Variants in ADARB2 observed in about 807,000 individuals in gnomAD.
The protein encoded by ADARB2 is inactive double-stranded RNA-specific editase B2.
Under a neutral mutation model 62.2 loss-of-function variants are expected in ADARB2, and 25 were observed. The ratio of observed to expected loss-of-function variants is 0.40; its 90% confidence interval spans 0.29 to 0.56. ADARB2 has a LOEUF of 0.56. ADARB2 is among the 20% of genes least tolerant of loss of function. The pLI is 0.43. For missense variants in ADARB2, 1,071 were observed against 1,077.4 expected, an observed-to-expected ratio of 0.99 and a Z score of 0.08; for synonymous variants, 572 against 500.8, an observed-to-expected ratio of 1.14 and a Z score of -1.90.
At chr10:1,567,309 C>G (rs1832871730) in intron 1 of ADARB2, among the ~76,000 whole-genome samples, 1 of 152,216 alleles carries the variant, frequency 6.6e-6, no homozygotes, top group Non-Finnish European at 1.5e-5. Context: ...CCAGTACTTT[C>G]TAGATGCTCT....
chr10:1,673,917 C>G (rs1433400229), intron 1 of ADARB2, among the ~76,000 whole-genome samples: 2 of 152,254 alleles, frequency 1.3e-5, no homozygotes, highest in African/African-American at 4.8e-5. Context: ...AAGCAGCAAT[C>G]ATATCTGCTT....
At chr10:1,575,737 C>T (rs1410321250) in intron 1 of ADARB2, among the ~76,000 whole-genome samples, 1 of 152,218 alleles carries the variant, frequency 6.6e-6, no homozygotes, top group Non-Finnish European at 1.5e-5. Flanking sequence ...GGTCAAGCTC[C>T]ATGGTTTCCA....
intron 1 of ADARB2, among the ~76,000 whole-genome samples, chr10:1,570,723 C>T (rs73588206): frequency 0.02 from 2,968 of 152,188 alleles, 102 homozygotes; most frequent in African/African-American, 0.066. Flanking sequence ...GCTAGTGCTT[C>T]GGAAAGGCAT....
At chr10:1,725,603 C>T (rs571551524) in intron 1 of ADARB2, among the ~76,000 whole-genome samples, 4 of 152,246 alleles carry the variant, frequency 2.6e-5, no homozygotes, top group Non-Finnish European at 4.4e-5. Context: ...GACCCCACAG[C>T]GGGGGAATTA....
intron 1 of ADARB2, among the ~76,000 whole-genome samples, chr10:1,618,540 G>T (rs956453413): frequency 1.8e-5 from 2 of 110,424 alleles, no homozygotes; most frequent in Non-Finnish European, 3.6e-5. Context: ...AGTGTCACTA[G>T]GTTTAAAAAT....
rs562653924 is a variant in ADARB2 at position 1,360,058 on chromosome 10, C to T, written c.1077+2970G>A. ...GTGCAGCATCTTTGCTGGCTTCTAC[C>T]GAAACACCATGGATCCAGACGTGGT... On this transcript the variant is annotated intron_variant, in intron 3 of 9. Transcript: ENST00000381312. Among the ~76,000 whole-genome samples the T allele has an allele frequency of 5.9e-5, 9 of 152,348 alleles. No homozygotes were observed. In the South Asian group the frequency reaches 1.2e-3, roughly 21 times the overall value.
At chr10:1,449,500 C>A (rs565444666) in intron 1 of ADARB2, among the ~76,000 whole-genome samples, 5 of 152,342 alleles carry the variant, frequency 3.3e-5, no homozygotes, top group African/African-American at 1.2e-4. Flanking sequence ...TCTGCTTCCT[C>A]TCCCCTAATT....
At chr10:1,240,254 GCC>G (rs1830899709) in intron 5 of ADARB2, 1 of 31,052 alleles carries the variant, frequency 3.2e-5, no homozygotes. Context: ...ACTCCCCTCT[GCC>G]TCCCGGTGTT....
chr10:1,441,126 C>T (rs946554709), intron 1 of ADARB2, among the ~76,000 whole-genome samples: 1 of 152,198 alleles, frequency 6.6e-6, no homozygotes, highest in African/African-American at 2.4e-5. Context: ...CAGTAGACGA[C>T]TAGTTTCACT....
rs529456913 is a variant in ADARB2 at position 1,569,770 on chromosome 10, A to T, written c.100+167281T>A. Among the ~76,000 whole-genome samples, 124 of 152,194 alleles carry T rather than the reference A, an allele frequency of 8.1e-4. 2 individuals carry two copies. The South Asian group carries it at 9.7e-3, about 12-fold the overall frequency. Reference sequence around the variant, plus strand: ...TTTTCTAAAGTATCATTTTTTTTTAAAAAAATGTAATACTGCTCAAAATAC... The same window carrying T: ...TTTTCTAAAGTATCATTTTTTTTTATAAAAATGTAATACTGCTCAAAATAC... On this transcript the variant is annotated intron_variant, in intron 1 of 9. Coordinates refer to ENST00000381312, the MANE Select transcript of ADARB2 (RefSeq NM_018702.4).
intron 3 of ADARB2, among the ~76,000 whole-genome samples, chr10:1,294,351 G>A (rs1831504580): frequency 6.6e-6 from 1 of 152,146 alleles, no homozygotes; most frequent in Admixed American, 6.5e-5. Flanking sequence ...TGTGATGCCT[G>A]GGACCTGGCG....
chr10:1,736,574 C>T (rs1835302824), intron 1 of ADARB2, among the ~76,000 whole-genome samples: 1 of 152,254 alleles, frequency 6.6e-6, no homozygotes, highest in African/African-American at 2.4e-5. Flanking sequence ...TAAAAACTGC[C>T]AGCCAATTTG....
At chr10:1,642,103 C>G (rs1432484158) in intron 1 of ADARB2, among the ~76,000 whole-genome samples, 2 of 151,924 alleles carry the variant, frequency 1.3e-5, no homozygotes, top group African/African-American at 4.8e-5. Flanking sequence ...TTTTTTAGAC[C>G]AAAAAGTCTC....
chr10:1,205,965 T>C (rs10794731), intron 7 of ADARB2, among the ~76,000 whole-genome samples: 48 of 141,510 alleles, frequency 3.4e-4, no homozygotes, highest in African/African-American at 7.8e-4. Flanking sequence ...GGGCAGCCCG[T>C]TGGGGTCAGG....
chr10:1,659,252 A>T (rs1834212320), intron 1 of ADARB2, among the ~76,000 whole-genome samples: 1 of 152,210 alleles, frequency 6.6e-6, no homozygotes, highest in Non-Finnish European at 1.5e-5. Context: ...AATCTGCATT[A>T]CAATGAAAAG....
chr10:1,629,817 C>G (rs1415261102), intron 1 of ADARB2, among the ~76,000 whole-genome samples: 1 of 152,110 alleles, frequency 6.6e-6, no homozygotes, highest in Non-Finnish European at 1.5e-5. Context: ...CTTGCACATG[C>G]CATTCCGAGA....
intron 1 of ADARB2, among the ~76,000 whole-genome samples, chr10:1,470,335 G>A (rs146030998): frequency 2.6e-4 from 40 of 152,324 alleles, no homozygotes; most frequent in African/African-American, 9.6e-4. Context: ...CAGTACACAC[G>A]TCTTTCCATA....
intron 4 of ADARB2, among the ~76,000 whole-genome samples, chr10:1,268,133 AAG>A (rs1348300951): frequency 9.2e-5 from 14 of 152,222 alleles, no homozygotes; most frequent in African/African-American, 3.1e-4. Flanking sequence ...AAAATGAAAA[AAG>A]TATCAAATGT....
At chr10:1,228,956 A>C (rs1435687019) in intron 6 of ADARB2, among the ~76,000 whole-genome samples, 6 of 152,214 alleles carry the variant, frequency 3.9e-5, no homozygotes, top group Non-Finnish European at 7.3e-5. Flanking sequence ...TCAGAAAACT[A>C]GAGTCTTGGA....
Sources: gnomAD v4.1 joint callset for allele counts (sites outside exome capture counted in the v4.1 genomes callset) on GRCh38, gnomAD v4.1.1 for gene constraint, MANE v1.5 for transcripts, NCBI Gene and HGNC (gene_info 2026-07-23, HGNC 2026-07-21) for gene names.